Variants in VAT1L observed in about 807,000 individuals in gnomAD.
VAT1L encodes vesicle amine transport 1 like.
Under a neutral mutation model 44.1 loss-of-function variants are expected in VAT1L, and 34 were observed. The ratio of observed to expected loss-of-function variants is 0.77; its 90% CI spans 0.59 to 1.03. The LOEUF (loss-of-function observed/expected upper bound fraction) is 1.03. Ranked by LOEUF, VAT1L falls within the 50% of genes least tolerant of loss-of-function variation. The pLI is 0.00. For missense variants in VAT1L, 615 were observed against 538.8 expected (o/e 1.14, Z -1.40); for synonymous variants, 253 against 202.2 (o/e 1.25, Z -2.13).
chr16:77,960,079 C>G (rs531903232), intron 7 of VAT1L, among the ~76,000 whole-genome samples: 1 of 152,086 alleles, frequency 6.6e-6, no homozygotes, highest in Non-Finnish European at 1.5e-5. Flanking sequence ...ATCTTCCCAA[C>G]CAGGTCAAAT....
intron 7 of VAT1L, among the ~76,000 whole-genome samples, chr16:77,933,351 C>T (rs1419711794): frequency 6.6e-6 from 1 of 152,138 alleles, no homozygotes. Flanking sequence ...ACTGTATTTA[C>T]CTTAAACAGT....
chr16:77,826,518 C>T (rs1597054077), intron 3 of VAT1L, among the ~76,000 whole-genome samples: 2 of 152,172 alleles, frequency 1.3e-5, no homozygotes, highest in South Asian at 2.1e-4. Flanking sequence ...CACATGTCAG[C>T]GTCATCTGTC....
At chr16:77,882,838 A>T (rs2142459834) in intron 6 of VAT1L, among the ~76,000 whole-genome samples, 1 of 152,316 alleles carries the variant, frequency 6.6e-6, no homozygotes, top group African/African-American at 2.4e-5. Context: ...TTTTGGATGT[A>T]AGGAATACGT....
At chr16:77,839,168 C>G (rs2016674187) in intron 3 of VAT1L, among the ~76,000 whole-genome samples, 1 of 151,916 alleles carries the variant, frequency 6.6e-6, no homozygotes, top group Non-Finnish European at 1.5e-5. Context: ...AAACTGAGGA[C>G]TGATGTCTGA....
chr16:77,796,008 T>A (rs531896058), intron 1 of VAT1L, among the ~76,000 whole-genome samples: 1 of 151,944 alleles, frequency 6.6e-6, no homozygotes, highest in Non-Finnish European at 1.5e-5. Context: ...ATATTTTTAG[T>A]AGAGACAGGG....
At chr16:77,914,130 T>A (rs1300147260) in intron 7 of VAT1L, among the ~76,000 whole-genome samples, 1 of 152,204 alleles carries the variant, frequency 6.6e-6, no homozygotes, top group African/African-American at 2.4e-5. Context: ...AGCTGGCTCA[T>A]ACCAGCTCAC....
At chr16:77,933,118 G>T (rs542538524) in intron 7 of VAT1L, among the ~76,000 whole-genome samples, 1 of 152,192 alleles carries the variant, frequency 6.6e-6, no homozygotes, top group African/African-American at 2.4e-5. Context: ...TAAGTTCTTA[G>T]TCATTCCAGT....
chr16:77,897,938 C>G (rs921435979), intron 7 of VAT1L, among the ~76,000 whole-genome samples: 6 of 152,160 alleles, frequency 3.9e-5, no homozygotes, highest in Non-Finnish European at 5.9e-5. Context: ...GTACCACAAG[C>G]CAAGGGGCTT....
intron 1 of VAT1L, among the ~76,000 whole-genome samples, chr16:77,804,315 C>G (rs1597167439): frequency 6.6e-6 from 1 of 152,146 alleles, no homozygotes; most frequent in African/African-American, 2.4e-5. Flanking sequence ...TAAATAACTC[C>G]AGGTCTCAAA....
chr16:77,965,820 C>A (rs1410867457), intron 7 of VAT1L, among the ~76,000 whole-genome samples: 1 of 152,198 alleles, frequency 6.6e-6, no homozygotes, highest in Non-Finnish European at 1.5e-5. Context: ...CACATATCCA[C>A]TTTTTCATTC....
chr16:77,942,634 C>G (rs2017902626), intron 7 of VAT1L, among the ~76,000 whole-genome samples: 2 of 152,218 alleles, frequency 1.3e-5, no homozygotes, highest in African/African-American at 2.4e-5. Context: ...ACTCTCCCAA[C>G]ATAGAAGGAT....
intron 5 of VAT1L, among the ~76,000 whole-genome samples, chr16:77,877,613 A>G (rs1388843663): frequency 6.6e-6 from 1 of 151,756 alleles, no homozygotes; most frequent in Non-Finnish European, 1.5e-5. Context: ...GCAAAATAAT[A>G]TTGGGTTTAT....
chr16:77,879,187 C>A lies in VAT1L; in HGVS notation c.845C>A (p.Thr282Asn). The change falls in exon 6 of 9, where the codon ACT (threonine) becomes AAT (asparagine). Residue 282 changes from threonine to asparagine, a missense_variant. Coordinates refer to ENST00000302536, the MANE Select transcript of VAT1L (RefSeq NM_020927.3). This position sits in a 1 kb window ranked among gnomAD's most constrained non-coding sequence, Gnocchi z 4.1. ...TTTTCAGGCTCATCCAACATGGTAA[C>A]TGGAGAGACCAAGAGCTTCTTCAGC... The part of the protein sequence containing the change: ...YILYGSSNMV[T>N]GETKSFFSFA... 6.2e-7 allele frequency: 1 copy of A among 1,614,206 alleles called. No individual in the cohort carries two copies. Among genetic ancestry groups the A allele is most frequent in the African/African-American group, 1.3e-5 (1 of 75,062 alleles).
intron 7 of VAT1L, among the ~76,000 whole-genome samples, chr16:77,893,574 G>C (rs555720106): frequency 6.6e-6 from 1 of 152,284 alleles, no homozygotes; most frequent in East Asian, 1.9e-4. Context: ...TTACTACTAC[G>C]ACTGCTACTA....
chr16:77,795,813 C>CTTTTT (rs56725954), intron 1 of VAT1L, among the ~76,000 whole-genome samples: 32 of 100,580 alleles, frequency 3.2e-4, no homozygotes, highest in Admixed American at 4.7e-4. Flanking sequence ...CCTTTTTTCT[C>CTTTTT]TTTTTTTTTT....
intron 7 of VAT1L, among the ~76,000 whole-genome samples, chr16:77,936,298 A>G (rs574964315): frequency 6.6e-6 from 1 of 152,084 alleles, no homozygotes; most frequent in Non-Finnish European, 1.5e-5. Flanking sequence ...ACAATTTTCC[A>G]CTTTAGAGCT....
At chr16:77,960,962 T>C (rs969586116) in intron 7 of VAT1L, among the ~76,000 whole-genome samples, 2 of 152,066 alleles carry the variant, frequency 1.3e-5, no homozygotes, top group African/African-American at 4.8e-5. Context: ...CATGAACTGA[T>C]GGCATGAGTT....
At chr16:77,908,605 C>T (rs938958651) in intron 7 of VAT1L, among the ~76,000 whole-genome samples, 9 of 151,860 alleles carry the variant, frequency 5.9e-5, no homozygotes, top group African/African-American at 2.2e-4. Context: ...ATCGCCATGA[C>T]CTGTCAGTGG....
At chr16:77,938,099 C>T (rs180804584) in intron 7 of VAT1L, among the ~76,000 whole-genome samples, 3 of 152,314 alleles carry the variant, frequency 2.0e-5, no homozygotes, top group Admixed American at 2.0e-4. Context: ...ATGTGGACCA[C>T]TTGGGACCAG....
Sources: gnomAD v4.1 joint callset for allele counts (sites outside exome capture counted in the v4.1 genomes callset) on GRCh38, gnomAD v4.1.1 for gene constraint, Gnocchi (gnomAD v3.1) non-coding constraint, MANE v1.5 for transcripts, NCBI Gene and HGNC (gene_info 2026-07-23, HGNC 2026-07-21) for gene names.